The following SYNE2 variants were observed in gnomAD, a reference collection of about 807,000 sequenced individuals.
SYNE2 encodes spectrin repeat containing nuclear envelope protein 2.
In SYNE2, 431 loss-of-function variants were observed where a neutral mutation model predicts 856.3. The observed-to-expected ratio is 0.50, with a 90% CI of 0.47 to 0.55. The LOEUF (loss-of-function observed/expected upper bound fraction) is 0.55. SYNE2 is among the 20% of genes least tolerant of loss of function. The pLI is 0.00. For synonymous variants in SYNE2, 2,923 were observed against 2,872.3 expected, an observed-to-expected ratio of 1.02 and a Z score of -0.56; for missense variants, 8,129 against 8,023.2, an observed-to-expected ratio of 1.01 and a Z score of -0.50.
In SYNE2 at chr14:64,143,965, C is replaced by T. The variant is rs753779398; in HGVS notation, c.15483+17C>T. ...AATAGAAAGGTGTGTTCCTGCGTCACAACTGGATGTGTGGTTTGACCTTTA... is the reference window on the plus strand; with the variant it reads ...AATAGAAAGGTGTGTTCCTGCGTCATAACTGGATGTGTGGTTTGACCTTTA... On this transcript the variant is annotated intron_variant, in intron 83 of 115. Transcript: ENST00000555002. The T allele has an allele frequency of 6.2e-7, 1 of 1,613,968 alleles. No homozygotes were observed. The highest frequency in any genetic ancestry group is 1.1e-5 in the South Asian group (1 of 91,072).
chr14:64,221,327 A>G (rs1468147050), intron 111 of SYNE2, among the ~76,000 whole-genome samples: 1 of 152,210 alleles, frequency 6.6e-6, no homozygotes, highest in African/African-American at 2.4e-5. Context: ...TCAGCTGGGC[A>G]TCCCAAAGCC....
At chr14:64,176,031 G>C (rs973220660) in intron 95 of SYNE2, among the ~76,000 whole-genome samples, 4 of 152,188 alleles carry the variant, frequency 2.6e-5, no homozygotes, top group Non-Finnish European at 5.9e-5. Flanking sequence ...CTTTTGAGTT[G>C]AGTTCCAGAT....
chr14:63,830,094 G>A (rs35234298), intron 1 of SYNE2, among the ~76,000 whole-genome samples: 86,880 of 151,932 alleles, frequency 0.57, 25,332 homozygotes, highest in South Asian at 0.69. Flanking sequence ...ACTTGAAAAC[G>A]TTATGCCAAG....
intron 60 of SYNE2, among the ~76,000 whole-genome samples, chr14:64,092,072 A>G (rs916031093): frequency 6.6e-6 from 1 of 152,248 alleles, no homozygotes. Flanking sequence ...AAAAAGATCT[A>G]GCACTCAATG....
Position 64,053,011 on chromosome 14 carries a change from A to C in SYNE2, c.9098A>C (p.Glu3033Ala). The change falls in exon 48 of 116, where the codon GAA becomes GCA. Residue 3033 changes from glutamate (E) to alanine (A), a missense_variant. Transcript: ENST00000555002. ...TTTGAAAAAGAAAAGGAACTTGAAG[A>C]AAAAATTAAGCAGTTGGACACATTT... The part of the protein sequence containing the change: ...QVFEKEKELE[E>A]KIKQLDTFEE... 6.2e-7 allele frequency: 1 copy of C among 1,611,848 alleles called. No individual in the cohort carries two copies. Among genetic ancestry groups the C allele is most frequent in the Non-Finnish European group, 8.5e-7 (1 of 1,179,600 alleles).
chr14:64,029,825 T>C, intron 43 of SYNE2, 70 bp from the exon 44 acceptor site: 7 of 1,502,920 alleles, frequency 4.7e-6, no homozygotes, highest in Non-Finnish European at 6.4e-6. Flanking sequence ...TTATTAGTCA[T>C]TTAATTATTT....
chr14:64,221,527 C>G, intron 111 of SYNE2, 49 bp from the exon 112 acceptor site: 1 of 1,614,196 alleles, frequency 6.2e-7, no homozygotes, highest in Non-Finnish European at 8.5e-7. Flanking sequence ...GGCACACCCT[C>G]TTCCAGGGCT....
chr14:64,208,060 C>T (rs1179059596), intron 100 of SYNE2: 1 of 456,042 alleles, frequency 2.2e-6, no homozygotes, highest in African/African-American at 2.0e-5. Flanking sequence ...CATGCATTTT[C>T]TCTTCATAAA....
At chr14:63,906,163 C>T (rs1393920249) in intron 1 of SYNE2, among the ~76,000 whole-genome samples, 9 of 152,090 alleles carry the variant, frequency 5.9e-5, no homozygotes, top group South Asian at 2.1e-4. Context: ...CCTAATTGAT[C>T]GTGATGAATT....
chr14:64,134,234 G>A (rs2098059174), intron 78 of SYNE2, 34 bp downstream of exon 78: 1 of 1,610,690 alleles, frequency 6.2e-7, no homozygotes, highest in African/African-American at 1.3e-5. Flanking sequence ...TCAAAGGCGT[G>A]TCCATAGCAC....
intron 18 of SYNE2, among the ~76,000 whole-genome samples, chr14:63,985,399 A>G (rs1324762771): frequency 6.6e-6 from 1 of 151,830 alleles, no homozygotes; most frequent in Non-Finnish European, 1.5e-5. Flanking sequence ...TTGTCAATAT[A>G]TAGTTTAAGA....
chr14:63,885,490 C>T (rs558892132), intron 1 of SYNE2, among the ~76,000 whole-genome samples: 1 of 152,330 alleles, frequency 6.6e-6, no homozygotes, highest in South Asian at 2.1e-4. Flanking sequence ...GCAGCCTCAA[C>T]ATAATTGTTT....
At position 64,225,025 on chromosome 14, in the gene SYNE2, C is replaced by T. The variant is rs765164027; in HGVS notation, c.20496C>T (p.Gly6832=). 5.0e-6 allele frequency: 8 copies of T among 1,613,694 alleles called. No homozygotes were observed. Among genetic ancestry groups the T allele is most frequent in the Admixed American group, 1.7e-5 (1 of 59,984 alleles). ...AKFRAVRTTE[G]EEETESRVPG... is the part of the protein sequence containing the mutation. ...TCAGAGCAGTGAGAACTACAGAAGG[C>T]GAGGAGGAGACAGAGAGCAGGTAAC... The change falls in exon 115 of 116, where the codon GGC becomes GGT. Residue 6832 remains glycine, a synonymous_variant. Transcript: ENST00000555002.
upstream of SYNE2, among the ~76,000 whole-genome samples, chr14:63,849,692 T>G (rs1463954340): frequency 2.6e-5 from 4 of 152,174 alleles, no homozygotes; most frequent in African/African-American, 9.7e-5. Context: ...GAAATATAAA[T>G]AGCAACTCTT....
chr14:63,989,956 TG>T (rs2096654780), intron 19 of SYNE2, among the ~76,000 whole-genome samples: 2 of 152,224 alleles, frequency 1.3e-5, no homozygotes, highest in African/African-American at 2.4e-5. Context: ...GGCCGCAGCT[TG>T]GTTTTTATGG....
intron 96 of SYNE2, among the ~76,000 whole-genome samples, chr14:64,178,081 A>G (rs2098442676): frequency 6.6e-6 from 1 of 152,188 alleles, no homozygotes; most frequent in Admixed American, 6.5e-5. Flanking sequence ...TTTGATGTTT[A>G]AAAGACATTG....
Position 63,998,206 on chromosome 14 carries a change from C to T in SYNE2, c.3244-13C>T. The stretch of plus-strand genomic sequence containing the variant: ...TTAAGATATTTCGTTTACTATTTTG[C>T]ATATTCCCTTAGGCAATGGAACCCA... On this transcript the variant is annotated splice_polypyrimidine_tract_variant and intron_variant, in intron 25 of 115. Coordinates refer to ENST00000555002, the MANE Select transcript of SYNE2 (RefSeq NM_182914.3). The T allele has an allele frequency of 6.4e-7, 1 of 1,570,784 alleles. No individual in the cohort carries two copies. Among genetic ancestry groups the T allele is most frequent in the South Asian group, 1.1e-5 (1 of 90,202 alleles).
chr14:63,911,006 C>T (rs1039188442), intron 2 of SYNE2, among the ~76,000 whole-genome samples: 5 of 152,074 alleles, frequency 3.3e-5, no homozygotes, highest in African/African-American at 9.7e-5. Context: ...TTCAATGGCT[C>T]CCTATCACAT....
chr14:64,141,255 A>C, intron 80 of SYNE2, 86 bp from the exon 81 acceptor site: 1 of 1,081,506 alleles, frequency 9.2e-7, no homozygotes, highest in South Asian at 1.4e-5. Flanking sequence ...TACTATGTTT[A>C]TTTGTTGACT....
Sources: gnomAD v4.1 joint callset for allele counts (sites outside exome capture counted in the v4.1 genomes callset) on GRCh38, gnomAD v4.1.1 for gene constraint, MANE v1.5 for transcripts, NCBI Gene and HGNC (gene_info 2026-07-23, HGNC 2026-07-21) for gene names.